The following DENND2C variants were observed in gnomAD, a reference collection of about 807,000 sequenced individuals.
The protein encoded by DENND2C is DENN domain-containing protein 2C.
DENND2C carries 72 observed loss-of-function variants against 112.4 expected under a neutral mutation model. The observed-to-expected ratio is 0.64, with a 90% CI of 0.53 to 0.78. The LOEUF is 0.78. DENND2C is among the 30% of genes least tolerant of loss of function. DENND2C has a pLI of 0.00. For synonymous variants in DENND2C, 329 were observed against 381.6 expected (o/e 0.86, Z 1.61); for missense variants, 992 against 1,113.8 (o/e 0.89, Z 1.56).
chr1:114,623,803 T>C (rs1362766650), intron 4 of DENND2C, among the ~76,000 whole-genome samples, 160 bp from the exon 5 acceptor site: 1 of 152,206 alleles, frequency 6.6e-6, no homozygotes, highest in Admixed American at 6.5e-5. Context: ...TGGCACAGTC[T>C]TGGCTCACTG....
At chr1:114,608,635 C>T (rs777887447) in intron 10 of DENND2C, 51 bp downstream of exon 10, 3 of 1,579,776 alleles carry the variant, frequency 1.9e-6, no homozygotes, top group South Asian at 1.2e-5. Flanking sequence ...AATACATGTA[C>T]ACAGAGACAC....
chr1:114,651,812 G>A (rs968010617), intron 2 of DENND2C, among the ~76,000 whole-genome samples: 2 of 152,224 alleles, frequency 1.3e-5, no homozygotes, highest in African/African-American at 2.4e-5. Context: ...GCAAAGCAGA[G>A]TAAGTAAGGC....
intron 18 of DENND2C, among the ~76,000 whole-genome samples, chr1:114,594,083 A>G (rs1188410135): frequency 2.0e-5 from 3 of 152,226 alleles, no homozygotes; most frequent in South Asian, 4.1e-4. Flanking sequence ...GCTGTAGAAT[A>G]TGAGATAGTG....
At chr1:114,627,745 T>C (rs1468032901) in intron 3 of DENND2C, among the ~76,000 whole-genome samples, 1 of 152,160 alleles carries the variant, frequency 6.6e-6, no homozygotes, top group Non-Finnish European at 1.5e-5. Context: ...TACTGTTGAT[T>C]ATTAAAACTG....
intron 1 of DENND2C, among the ~76,000 whole-genome samples, chr1:114,656,579 G>A (rs985345074): frequency 8.6e-5 from 13 of 150,990 alleles, no homozygotes; most frequent in African/African-American, 3.2e-4. Context: ...TGTATTTTTA[G>A]TAGAGACGTA....
intron 15 of DENND2C, among the ~76,000 whole-genome samples, chr1:114,599,933 C>T (rs973200838): frequency 2.1e-5 from 3 of 140,646 alleles, no homozygotes; most frequent in Non-Finnish European, 4.5e-5. Context: ...CACTTGGACA[C>T]AGGGTAGGGA....
chr1:114,613,202 C>T (rs1342895629), intron 8 of DENND2C, among the ~76,000 whole-genome samples: 1 of 152,138 alleles, frequency 6.6e-6, no homozygotes, highest in Non-Finnish European at 1.5e-5. Context: ...CTATGTGGAT[C>T]TCTATGTGTT....
chr1:114,623,726 T>A, intron 4 of DENND2C, 83 bp from the exon 5 acceptor site: 1 of 990,652 alleles, frequency 1.0e-6, no homozygotes, highest in East Asian at 3.0e-5. Context: ...ATTTATTTGT[T>A]TGATTGTTTG....
intron 3 of DENND2C, among the ~76,000 whole-genome samples, chr1:114,643,337 T>C (rs1055478831): frequency 1.3e-5 from 2 of 152,286 alleles, no homozygotes; most frequent in Middle Eastern, 3.4e-3. Context: ...TTCTATTACA[T>C]TAACACATTA....
At chr1:114,619,985 T>C (rs534627793) in intron 7 of DENND2C, among the ~76,000 whole-genome samples, 1 of 152,070 alleles carries the variant, frequency 6.6e-6, no homozygotes, top group South Asian at 2.1e-4. Context: ...ATAAAGGTAG[T>C]AGGAAATGTA....
At chr1:114,613,130 A>T (rs1418785826) in intron 8 of DENND2C, among the ~76,000 whole-genome samples, 1 of 152,232 alleles carries the variant, frequency 6.6e-6, no homozygotes, top group Non-Finnish European at 1.5e-5. Flanking sequence ...AAAGGTTAGA[A>T]ACAACTAAAC....
rs550977674 is a variant in DENND2C at position 114,612,548 on chromosome 1, C to T, written c.1325-1431G>A. 4.8e-5 allele frequency among the ~76,000 whole-genome samples: 7 copies of T among 146,014 alleles called. No individual in the cohort carries two copies. In the East Asian group the frequency reaches 1.2e-3, roughly 25 times the overall value. On this transcript the variant is annotated intron_variant, in intron 8 of 20. Transcript: ENST00000393274. The stretch of plus-strand genomic sequence containing the variant: ...TTTTTTTTTTTTTTTGAGACAGAGT[C>T]TCACTCTGTCGCCCAGGCTGGAGTG...
intron 3 of DENND2C, among the ~76,000 whole-genome samples, chr1:114,638,440 T>C (rs1656714465): frequency 6.6e-6 from 1 of 152,074 alleles, no homozygotes; most frequent in Non-Finnish European, 1.5e-5. Context: ...ATTAAAACCT[T>C]CTGCTCACTT....
chr1:114,631,668 G>A (rs1011673478), intron 3 of DENND2C, among the ~76,000 whole-genome samples: 2 of 152,114 alleles, frequency 1.3e-5, no homozygotes, highest in African/African-American at 4.8e-5. Flanking sequence ...TGTAGTCCCA[G>A]CTACTCGGGA....
At chr1:114,619,072 G>A (rs1214647278) in intron 7 of DENND2C, among the ~76,000 whole-genome samples, 1 of 152,096 alleles carries the variant, frequency 6.6e-6, no homozygotes, top group Non-Finnish European at 1.5e-5. Context: ...TATTTCTCAA[G>A]CAAGTAAAAT....
intron 3 of DENND2C, among the ~76,000 whole-genome samples, chr1:114,630,834 G>C (rs1656470450): frequency 6.6e-6 from 1 of 152,134 alleles, no homozygotes; most frequent in Admixed American, 6.6e-5. Context: ...CTAACCCAGG[G>C]TTCACTAGCT....
chr1:114,626,042 A>G lies in DENND2C; in HGVS notation c.-58T>C. 2 of 1,442,764 alleles carry G rather than the reference A, an allele frequency of 1.4e-6. No individual in the cohort carries two copies. Among genetic ancestry groups the G allele is most frequent in the African/African-American group, 2.8e-5 (2 of 70,498 alleles). 89.4% of individuals were successfully genotyped at this position (1,442,764 alleles called of 1,614,324 possible). A position where few individuals can be genotyped will look rare whatever the true frequency, so the allele number is the denominator to read the frequency against. ...CTTACAAAGGTTCCATTACAAGTAA[A>G]TGTGAAATATTGTATTCTTTATCCT... On this transcript the variant is annotated 5_prime_UTR_variant, in exon 4 of 21. Coordinates refer to ENST00000393274, the MANE Select transcript of DENND2C (RefSeq NM_001256404.2).
At chr1:114,595,702 T>C in intron 17 of DENND2C, 130 bp downstream of exon 17, 2 of 807,228 alleles carry the variant, frequency 2.5e-6, no homozygotes, top group Non-Finnish European at 4.0e-6. Flanking sequence ...TGGTGTCAAT[T>C]CAAGTATGTG....
At chr1:114,602,074 A>G in intron 12 of DENND2C, 51 bp downstream of exon 12, 2 of 1,572,356 alleles carry the variant, frequency 1.3e-6, no homozygotes, top group Middle Eastern at 1.7e-4. Flanking sequence ...TCCTACTCTG[A>G]CTCAATTATT....
Sources: gnomAD v4.1 joint callset for allele counts (sites outside exome capture counted in the v4.1 genomes callset) on GRCh38, gnomAD v4.1.1 for gene constraint, MANE v1.5 for transcripts, NCBI Gene and HGNC (gene_info 2026-07-23, HGNC 2026-07-21) for gene names.